The following ITGA11 variants were observed in gnomAD, a reference collection of about 807,000 sequenced individuals.
ITGA11 encodes integrin subunit alpha 11.
Under a neutral mutation model 141.9 loss-of-function variants are expected in ITGA11, and 97 were observed. That is an observed-to-expected ratio of 0.68 (90% CI 0.58 to 0.81). The LOEUF (loss-of-function observed/expected upper bound fraction) is 0.81, where lower values mean the gene tolerates loss of function less well. Ranked by LOEUF, ITGA11 falls within the 30% of genes least tolerant of loss-of-function variation. ITGA11 has a pLI of 0.00. For synonymous variants in ITGA11, 658 were observed against 624.6 expected (o/e 1.05, Z -0.80); for missense variants, 1,387 against 1,559.2 (o/e 0.89, Z 1.86).
chr15:68,317,441 C>T, intron 20 of ITGA11, 78 bp from the exon 21 acceptor site: 2 of 980,510 alleles, frequency 2.0e-6, no homozygotes, highest in Non-Finnish European at 3.3e-6. Context: ...TCACCCCCAG[C>T]CTGCACCCCA....
At chr15:68,427,541 G>A (rs12593835) in intron 1 of ITGA11, among the ~76,000 whole-genome samples, 59,918 of 151,810 alleles carry the variant, frequency 0.39, 12,136 homozygotes, top group South Asian at 0.47. Flanking sequence ...CAGGGAGGGG[G>A]TTTGGCCTCA....
rs3736495 is a variant in ITGA11 at position 68,321,152 on chromosome 15, G to A, written c.2408+266C>T. On this transcript the variant is annotated intron_variant, in intron 19 of 29. Transcript: ENST00000315757. This position sits in a 1 kb window ranked among gnomAD's most constrained non-coding sequence, Gnocchi z 4.9. The stretch of plus-strand genomic sequence containing the variant: ...TCATCTATTTTGTAATGTGGGCTCC[G>A]AAGAAAGGGTTTCTTTTTTTTTTTT... Among the ~76,000 whole-genome samples, 1 of 133,438 alleles carries A rather than the reference G, an allele frequency of 7.5e-6. No homozygotes were observed. Among genetic ancestry groups the A allele is most frequent in the Non-Finnish European group, 1.6e-5 (1 of 63,198 alleles). The allele number at this position is 133,438 out of a possible 152,430, so 87.5% of individuals were successfully genotyped here.
At chr15:68,344,492 G>A (rs1894679567) in intron 10 of ITGA11, among the ~76,000 whole-genome samples, 1 of 152,156 alleles carries the variant, frequency 6.6e-6, no homozygotes, top group Non-Finnish European at 1.5e-5. Context: ...CTCAATCCCA[G>A]GAGGGCCTGT....
chr15:68,352,460 T>G (rs1894945381), intron 7 of ITGA11, among the ~76,000 whole-genome samples: 1 of 152,138 alleles, frequency 6.6e-6, no homozygotes, highest in African/African-American at 2.4e-5. Flanking sequence ...CCCAAAGTGC[T>G]GGGATTACAG....
intron 13 of ITGA11, 91 bp downstream of exon 13, chr15:68,332,247 C>T: frequency 2.8e-6 from 4 of 1,454,380 alleles, no homozygotes; most frequent in Admixed American, 2.1e-5. Flanking sequence ...CAGCACTGGC[C>T]TCGCTAGTAA....
Position 68,313,851 on chromosome 15 carries a change from T to A in ITGA11, c.2810A>T (p.Asp937Val). 1 of 1,613,886 alleles carries A rather than the reference T, an allele frequency of 6.2e-7. No individual in the cohort carries two copies. The highest frequency in any genetic ancestry group is 8.5e-7 in the Non-Finnish European group (1 of 1,179,784). ...GGCCACGTTGTCTTCCTTGGTGCTG[T>A]CCCGCTCATTACTGTCACTGCAAGG... is the stretch of plus-strand genomic sequence containing the variant. ...LAAGSDSNER[D>V]STKEDNVAPL... The change falls in exon 23 of 30, where the codon GAC (aspartate) becomes GTC (valine). Residue 937 changes from aspartate to valine, a missense_variant. Coordinates refer to ENST00000315757, the MANE Select transcript of ITGA11 (RefSeq NM_001004439.2).
chr15:68,343,238 T>C (rs1894630666), intron 10 of ITGA11, among the ~76,000 whole-genome samples: 1 of 152,080 alleles, frequency 6.6e-6, no homozygotes, highest in Non-Finnish European at 1.5e-5. Context: ...TGCGGTAGCA[T>C]GTGAGAAGTG....
At position 68,303,062 on chromosome 15, in the gene ITGA11, C is replaced by T; in HGVS notation, c.3564G>A (p.Glu1188=). ...ACTCAAAGTCTCCTCTGGAGCCTCA[C>T]TCCAGCACTTTGGGGGTGGGGTCCA... is the stretch of plus-strand genomic sequence containing the variant. ...PGLDPTPKVL[E] Residue 1188 remains glutamate, a synonymous_variant, in exon 30 of 30, where the codon GAG becomes GAA. Transcript: ENST00000315757. The surrounding 1 kb of genome is among the most constrained non-coding windows in gnomAD (Gnocchi z 5.3). 1 of 1,549,812 alleles carries T rather than the reference C, an allele frequency of 6.5e-7. No individual in the cohort carries two copies. The highest frequency in any genetic ancestry group is 8.7e-7 in the Non-Finnish European group (1 of 1,146,726).
At position 68,369,323 on chromosome 15, in the gene ITGA11, G is replaced by A. The variant is rs761266855; in HGVS notation, c.165-39C>T. On this transcript the variant is annotated intron_variant, in intron 2 of 29. Coordinates refer to ENST00000315757, the MANE Select transcript of ITGA11 (RefSeq NM_001004439.2). Reference sequence around the variant, plus strand: ...GAAGATGAGCAAAGACATTGGGGGAGGTACTCTTTCCTGGCAGAGGATGGA... The same window carrying A: ...GAAGATGAGCAAAGACATTGGGGGAAGTACTCTTTCCTGGCAGAGGATGGA... 5.4e-6 allele frequency: 7 copies of A among 1,292,584 alleles called. No homozygotes were observed. The South Asian group carries it at 8.1e-5, about 15-fold the overall frequency. 80.1% of individuals were successfully genotyped at this position (1,292,584 alleles called of 1,614,324 possible).
At chr15:68,341,226 T>A (rs565805816) in intron 10 of ITGA11, among the ~76,000 whole-genome samples, 1 of 152,342 alleles carries the variant, frequency 6.6e-6, no homozygotes, top group African/African-American at 2.4e-5. Flanking sequence ...TTCTTCCTGC[T>A]ACTCTGTGCT....
chr15:68,340,903 G>A (rs1894545505), intron 10 of ITGA11: 1 of 152,264 alleles, frequency 6.6e-6, no homozygotes, highest in African/African-American at 2.4e-5. Flanking sequence ...CTGCCTTCTG[G>A]GTTACCTTGG....
Position 68,303,497 on chromosome 15 carries a change from A to C in ITGA11, c.3495+275T>G, listed in dbSNP as rs1893094146. On this transcript the variant is annotated intron_variant, in intron 29 of 29. Coordinates refer to ENST00000315757, the MANE Select transcript of ITGA11 (RefSeq NM_001004439.2). The surrounding 1 kb of genome is among the most constrained non-coding windows in gnomAD (Gnocchi z 5.3). ...TGTTAACAGCTTGACATTGTGGGAGAAATTTTGTGCAGTTGTTTGTACTTG... is the reference window on the plus strand; with the variant it reads ...TGTTAACAGCTTGACATTGTGGGAGCAATTTTGTGCAGTTGTTTGTACTTG... Among the ~76,000 whole-genome samples, 1 of 151,822 alleles carries C rather than the reference A, an allele frequency of 6.6e-6. No individual in the cohort carries two copies. Among genetic ancestry groups the C allele is most frequent in the Non-Finnish European group, 1.5e-5 (1 of 67,964 alleles).
rs61729766 is a variant in ITGA11 at position 68,335,734 on chromosome 15, C to T, written c.1388G>A (p.Arg463Gln). The change falls in exon 12 of 30, where the codon CGG becomes CAG. Residue 463 changes from arginine (R) to glutamine (Q), a missense_variant. Physicochemically the swap from Arg to Gln is conservative, Grantham distance 43. Coordinates refer to ENST00000315757, the MANE Select transcript of ITGA11 (RefSeq NM_001004439.2). This position sits in a 1 kb window ranked among gnomAD's most constrained non-coding sequence, Gnocchi z 4.9. ...KVILFTMHNN[R>Q]SLTIHQAMRG... ...CATAGCCTGGTGGATGGTGAGGCTC[C>T]GGTTGTTGTGCATGGTGAACAGGAT... is the stretch of plus-strand genomic sequence containing the variant. The T allele has an allele frequency of 6.0e-4, 970 of 1,613,844 alleles. 3 individuals are homozygous for T. The African/African-American group carries it at 0.011, about 18-fold the overall frequency.
rs146549135 is a variant in ITGA11, at chr15:68,328,317, T to C, written c.1902-55A>G. On this transcript the variant is annotated intron_variant, in intron 15 of 29. Coordinates refer to ENST00000315757, the MANE Select transcript of ITGA11 (RefSeq NM_001004439.2). The surrounding 1 kb of genome is among the most constrained non-coding windows in gnomAD (Gnocchi z 4.8). ...GGGGCAGGGGCTCAGGCTGCCCTGCTGTGACCATGGGGAAAGACAAGAACC... is the reference window on the plus strand; with the variant it reads ...GGGGCAGGGGCTCAGGCTGCCCTGCCGTGACCATGGGGAAAGACAAGAACC... The C allele has an allele frequency of 1.0e-3, 1,517 of 1,522,484 alleles. 11 individuals carry two copies. The African/African-American group carries it at 0.019, about 20-fold the overall frequency. The allele number at this position is 1,522,484 out of a possible 1,614,324, so 94.3% of individuals were successfully genotyped here.
In ITGA11 at chr15:68,328,746, A is replaced by C. The variant is rs1341721270; in HGVS notation, c.1902-484T>G. Among the ~76,000 whole-genome samples the C allele has an allele frequency of 6.6e-6, 1 of 152,208 alleles. No individual in the cohort carries two copies. Among genetic ancestry groups the C allele is most frequent in the Non-Finnish European group, 1.5e-5 (1 of 68,046 alleles). On this transcript the variant is annotated intron_variant, in intron 15 of 29. Transcript: ENST00000315757. This position sits in a 1 kb window ranked among gnomAD's most constrained non-coding sequence, Gnocchi z 4.8. ...GTGCACGCCCCCTGGGGATCATGTTAAAATGCAGATTTTGATCCAATAGCT... is the reference window on the plus strand; with the variant it reads ...GTGCACGCCCCCTGGGGATCATGTTCAAATGCAGATTTTGATCCAATAGCT...
At position 68,299,616 on chromosome 15, in the gene ITGA11, AGTT is replaced by A. The variant is rs1219582146; in HGVS notation, c.*3440_*3442del. 1 of 152,132 alleles carries A rather than the reference AGTT, an allele frequency of 6.6e-6. No homozygotes were observed. The highest frequency in any genetic ancestry group is 6.5e-5 in the Admixed American group (1 of 15,274). The allele number at this position is 152,132 out of a possible 1,614,324, so 9.4% of individuals were successfully genotyped here. A position where few individuals can be genotyped will look rare whatever the true frequency, so the allele number is the denominator to read the frequency against. ...GTGGTGGTGAGGCATGGGTGCAGTG[AGTT>A]GTTATGCCAGGAAAGGAGCACGATT... On this transcript the variant is annotated 3_prime_UTR_variant, in exon 30 of 30. Transcript: ENST00000315757.
At chr15:68,429,931 G>A (rs1312313588) in intron 1 of ITGA11, among the ~76,000 whole-genome samples, 2 of 152,086 alleles carry the variant, frequency 1.3e-5, no homozygotes, top group Non-Finnish European at 2.9e-5. Flanking sequence ...AACTTCTCTT[G>A]TTTGAACACC....
chr15:68,363,627 C>A (rs181164730), intron 4 of ITGA11, among the ~76,000 whole-genome samples: 1 of 152,330 alleles, frequency 6.6e-6, no homozygotes, highest in East Asian at 1.9e-4. Context: ...AAGACTGACA[C>A]AAGCACCCCA....
intron 6 of ITGA11, among the ~76,000 whole-genome samples, chr15:68,358,089 AC>A (rs1295172192): frequency 6.6e-6 from 1 of 151,868 alleles, no homozygotes; most frequent in Non-Finnish European, 1.5e-5. Flanking sequence ...AGCAGCCCTT[AC>A]CTCTCCTACC....
Sources: allele counts gnomAD v4.1 joint callset (sites outside exome capture counted in the v4.1 genomes callset), GRCh38; gene constraint gnomAD v4.1.1; non-coding constraint Gnocchi (gnomAD v3.1); transcripts MANE v1.5; gene names NCBI Gene and HGNC (gene_info 2026-07-23, HGNC 2026-07-21).